Variants in GSG1L observed in about 807,000 individuals in gnomAD.
GSG1L encodes GSG1 like.
In GSG1L, 24 loss-of-function variants were observed where a neutral mutation model predicts 42.1. The ratio of observed to expected loss-of-function variants is 0.57; its 90% CI spans 0.41 to 0.80. The LOEUF is 0.80. Ranked by LOEUF, GSG1L falls within the 30% of genes least tolerant of loss-of-function variation. The probability of loss-of-function intolerance (pLI) is 0.00; values close to 1 mark genes in which losing one functional copy is unlikely to be tolerated. For synonymous variants in GSG1L, 215 were observed against 203.5 expected, an observed-to-expected ratio of 1.06 and a Z score of -0.48; for missense variants, 445 against 472.2, an observed-to-expected ratio of 0.94 and a Z score of 0.53.
chr16:27,992,938 C>T (rs1319666381), intron 1 of GSG1L, among the ~76,000 whole-genome samples: 1 of 152,158 alleles, frequency 6.6e-6, no homozygotes, highest in Non-Finnish European at 1.5e-5. Flanking sequence ...ACAGTCCCTG[C>T]CTACAGAAAA....
intron 1 of GSG1L, among the ~76,000 whole-genome samples, chr16:28,013,924 C>T (rs1190167610): frequency 6.6e-6 from 1 of 152,222 alleles, no homozygotes; most frequent in African/African-American, 2.4e-5. Flanking sequence ...TTCAGCCACA[C>T]TGACAACGAC....
intron 2 of GSG1L, among the ~76,000 whole-genome samples, chr16:27,900,361 G>C (rs937419594): frequency 5.3e-5 from 8 of 152,244 alleles, no homozygotes; most frequent in Non-Finnish European, 1.2e-4. Flanking sequence ...TGAGGAAGCT[G>C]AGGCAGGTGA....
chr16:27,865,633 G>C (rs575256416), intron 3 of GSG1L, among the ~76,000 whole-genome samples: 2 of 140,826 alleles, frequency 1.4e-5, no homozygotes, highest in Non-Finnish European at 3.1e-5. Flanking sequence ...ATATATGTGT[G>C]TATATATGTG....
At chr16:28,003,678 C>T (rs1412094449) in intron 1 of GSG1L, among the ~76,000 whole-genome samples, 1 of 152,170 alleles carries the variant, frequency 6.6e-6, no homozygotes, top group Admixed American at 6.5e-5. Context: ...CCAAAGTGTC[C>T]GTTCCCCAGT....
At chr16:27,852,747 C>A (rs998843387) in intron 3 of GSG1L, among the ~76,000 whole-genome samples, 1 of 152,142 alleles carries the variant, frequency 6.6e-6, no homozygotes, top group Admixed American at 6.5e-5. Context: ...GGAATTGCAA[C>A]TTTCGGAGCA....
chr16:27,792,881 C>T (rs1195543167), intron 6 of GSG1L, among the ~76,000 whole-genome samples: 2 of 152,182 alleles, frequency 1.3e-5, no homozygotes, highest in Non-Finnish European at 2.9e-5. Context: ...TAGTTCTGCC[C>T]ATTTTACAGA....
chr16:28,016,608 T>A (rs1246061930), intron 1 of GSG1L, among the ~76,000 whole-genome samples: 1 of 152,198 alleles, frequency 6.6e-6, no homozygotes, highest in African/African-American at 2.4e-5. Context: ...GGAATGCATG[T>A]ATGGAATGTT....
intron 1 of GSG1L, among the ~76,000 whole-genome samples, chr16:28,030,356 AC>A (rs1348024459): frequency 6.6e-6 from 1 of 152,138 alleles, no homozygotes; most frequent in African/African-American, 2.4e-5. Flanking sequence ...CCCTCTGGGG[AC>A]TTTTACTGGT....
At chr16:27,986,479 C>T (rs2085383976) in intron 1 of GSG1L, among the ~76,000 whole-genome samples, 1 of 146,414 alleles carries the variant, frequency 6.8e-6, no homozygotes, top group South Asian at 2.2e-4. Context: ...GCACTCCAGC[C>T]TGAGCGACCG....
Position 27,955,911 on chromosome 16 carries a change from AGG to A in GSG1L, c.397+7243_397+7244del, listed in dbSNP as rs1343304690. 2.4e-3 allele frequency among the ~76,000 whole-genome samples: 354 copies of A among 146,916 alleles called. 6 individuals carry two copies. The highest frequency in any genetic ancestry group is 9.2e-3 in the African/African-American group (349 of 37,906). On this transcript the variant is annotated intron_variant, in intron 2 of 6. Coordinates refer to ENST00000447459, the MANE Select transcript of GSG1L (RefSeq NM_001109763.2). ...AAGGAAGGAAGGAAGGAAGGAAGGA[AGG>A]AAGGAAGGAAGGAAAGAAGGAAGGA...
intron 2 of GSG1L, chr16:27,887,930 G>T: frequency 1.1e-5 from 2 of 187,914 alleles, no homozygotes; most frequent in Non-Finnish European, 2.0e-5. Context: ...CACACTCAGA[G>T]CCTCCCAGCC....
intron 3 of GSG1L, among the ~76,000 whole-genome samples, chr16:27,851,094 G>A (rs992574379): frequency 1.3e-5 from 2 of 152,210 alleles, no homozygotes; most frequent in South Asian, 2.1e-4. Flanking sequence ...CAGAAGGTGC[G>A]AGGAGGTTCT....
At chr16:27,990,677 G>A (rs976006996) in intron 1 of GSG1L, among the ~76,000 whole-genome samples, 1 of 152,204 alleles carries the variant, frequency 6.6e-6, no homozygotes, top group Admixed American at 6.5e-5. Flanking sequence ...ATTCATACAG[G>A]TAGTTTAGGC....
intron 2 of GSG1L, among the ~76,000 whole-genome samples, chr16:27,926,356 G>C (rs554417328): frequency 6.6e-6 from 1 of 152,318 alleles, no homozygotes; most frequent in South Asian, 2.1e-4. Flanking sequence ...AGTCTAGTGG[G>C]TGGAGGCGGC....
intron 2 of GSG1L, among the ~76,000 whole-genome samples, chr16:27,904,221 C>T (rs2084294018): frequency 6.6e-6 from 1 of 151,136 alleles, no homozygotes; most frequent in Admixed American, 6.6e-5. Context: ...AGGCACATAC[C>T]ACCATGCCTA....
intron 2 of GSG1L, among the ~76,000 whole-genome samples, chr16:27,953,252 G>A (rs1054868430): frequency 2.0e-5 from 3 of 152,062 alleles, no homozygotes; most frequent in Admixed American, 2.0e-4. Context: ...ACCACACTGG[G>A]CTAATTTATA....
chr16:27,960,514 T>C (rs1311948901), intron 2 of GSG1L, among the ~76,000 whole-genome samples: 1 of 152,162 alleles, frequency 6.6e-6, no homozygotes, highest in African/African-American at 2.4e-5. Context: ...GGAAAGAGTA[T>C]TCCTTGGGAG....
intron 6 of GSG1L, among the ~76,000 whole-genome samples, chr16:27,805,857 T>C (rs2082955431): frequency 6.6e-6 from 1 of 151,722 alleles, no homozygotes; most frequent in Non-Finnish European, 1.5e-5. Context: ...GGGCTTGCTT[T>C]TCGGGCCACA....
chr16:28,056,777 G>T (rs1321120383), intron 1 of GSG1L, among the ~76,000 whole-genome samples: 1 of 152,056 alleles, frequency 6.6e-6, no homozygotes, highest in East Asian at 1.9e-4. Flanking sequence ...CTTGTCCTCA[G>T]GGAGCCAGCG....
Sources: allele counts gnomAD v4.1 joint callset (sites outside exome capture counted in the v4.1 genomes callset), GRCh38; gene constraint gnomAD v4.1.1; transcripts MANE v1.5; gene names NCBI Gene and HGNC (gene_info 2026-07-23, HGNC 2026-07-21).